SLC9A2: variants seen among roughly 807,000 people sequenced by gnomAD.
The protein encoded by SLC9A2 is sodium/hydrogen exchanger 2.
In SLC9A2, 42 loss-of-function variants were observed where a neutral mutation model predicts 71.7. The observed-to-expected ratio is 0.59, with a 90% CI of 0.46 to 0.76. The LOEUF is 0.76. Ranked by LOEUF, SLC9A2 falls within the 30% of genes least tolerant of loss-of-function variation. The pLI, the probability that SLC9A2 is intolerant of heterozygous loss-of-function variation, is 0.00. For synonymous variants in SLC9A2, 396 were observed against 392.5 expected (o/e 1.01, Z -0.10); for missense variants, 829 against 1,017.4 (o/e 0.81, Z 2.52).
intron 5 of SLC9A2, among the ~76,000 whole-genome samples, chr2:102,693,560 T>C (rs1466237546): frequency 6.6e-6 from 1 of 152,214 alleles, no homozygotes; most frequent in African/African-American, 2.4e-5. Context: ...CGGAGTTCAC[T>C]CATGAACGTG....
intron 3 of SLC9A2, among the ~76,000 whole-genome samples, chr2:102,682,739 G>A (rs1339407778): frequency 6.6e-6 from 1 of 152,202 alleles, no homozygotes; most frequent in Non-Finnish European, 1.5e-5. Context: ...TATTCAGGAT[G>A]AAGAATCGAA....
Position 102,710,615 on chromosome 2 carries a change from T to C in SLC9A2, c.*2126T>C, listed in dbSNP as rs1678088332. ...TCTTAATTATTATCAGTTTAAATTT[T>C]TTTTGTTTGTTGAATGACAAAGGCA... is the stretch of plus-strand genomic sequence containing the variant. On this transcript the variant is annotated 3_prime_UTR_variant, in exon 12 of 12. Coordinates refer to ENST00000233969, the MANE Select transcript of SLC9A2 (RefSeq NM_003048.6). 6.6e-6 allele frequency: 1 copy of C among 152,000 alleles called. No individual in the cohort carries two copies. The allele number at this position is 152,000 out of a possible 1,614,324, so 9.4% of individuals were successfully genotyped here.
chr2:102,662,309 C>A (rs1677064672), intron 2 of SLC9A2, among the ~76,000 whole-genome samples: 1 of 152,192 alleles, frequency 6.6e-6, no homozygotes, highest in Non-Finnish European at 1.5e-5. Flanking sequence ...GCTGCAGATG[C>A]CCGTTAATCT....
intron 3 of SLC9A2, among the ~76,000 whole-genome samples, chr2:102,670,558 C>A (rs1184981724): frequency 7.0e-6 from 1 of 142,734 alleles, no homozygotes; most frequent in Non-Finnish European, 1.5e-5. Context: ...TCCCCAGTTA[C>A]CAGGCCAGTC....
intron 1 of SLC9A2, among the ~76,000 whole-genome samples, chr2:102,641,466 A>T (rs1185425712): frequency 6.6e-6 from 1 of 151,480 alleles, no homozygotes; most frequent in Non-Finnish European, 1.5e-5. Context: ...TGAGTTTTGC[A>T]CGTGCCGTTC....
intron 11 of SLC9A2, among the ~76,000 whole-genome samples, chr2:102,707,565 T>C (rs1678006591): frequency 6.6e-6 from 1 of 152,150 alleles, no homozygotes; most frequent in Non-Finnish European, 1.5e-5. Flanking sequence ...CTCCCTTTGT[T>C]TGCAAAGGGT....
intron 1 of SLC9A2, among the ~76,000 whole-genome samples, chr2:102,651,934 TTTG>T (rs59150838): frequency 0.54 from 82,113 of 151,282 alleles, 22,845 homozygotes; most frequent in East Asian, 0.85. Context: ...GATAAGGGTT[TTTG>T]TTGTTGTTGT....
At position 102,695,799 on chromosome 2, in the gene SLC9A2, A is replaced by T. The variant is rs1376625469; in HGVS notation, c.1586+686A>T. Among the ~76,000 whole-genome samples, 8 of 77,072 alleles carry T rather than the reference A, an allele frequency of 1.0e-4. 1 individual carries two copies. The highest frequency in any genetic ancestry group is 3.2e-4 in the African/African-American group (8 of 24,940). 50.6% of individuals were successfully genotyped at this position (77,072 alleles called of 152,430 possible). ...TATATTATATATATATTATATATAT[A>T]TTATATATATATATAATATATATAT... On this transcript the variant is annotated intron_variant, in intron 7 of 11. Coordinates refer to ENST00000233969, the MANE Select transcript of SLC9A2 (RefSeq NM_003048.6).
At chr2:102,685,855 G>T (rs1677537095) in intron 5 of SLC9A2, among the ~76,000 whole-genome samples, 1 of 152,164 alleles carries the variant, frequency 6.6e-6, no homozygotes, top group South Asian at 2.1e-4. Context: ...AGGCTCTCTG[G>T]CCACTAGCAG....
Position 102,670,849 on chromosome 2 carries a change from C to CTTTTTTTT in SLC9A2, c.1004+5513_1004+5520dup, listed in dbSNP as rs10687841. Among the ~76,000 whole-genome samples, 12 of 75,888 alleles carry CTTTTTTTT rather than the reference C, an allele frequency of 1.6e-4. 1 individual carries two copies. Among genetic ancestry groups the CTTTTTTTT allele is most frequent in the Admixed American group, 2.1e-4 (1 of 4,876 alleles). The allele number at this position is 75,888 out of a possible 152,430, so 49.8% of individuals were successfully genotyped here. ...TTTGAGAAAAAAATAGGAAGGCATG[C>CTTTTTTTT]TTTTTTTTTTTTTTTTTTTTTGCCT... is the stretch of plus-strand genomic sequence containing the variant. On this transcript the variant is annotated intron_variant, in intron 3 of 11. Transcript: ENST00000233969.
chr2:102,693,630 G>C (rs559215666), intron 5 of SLC9A2, among the ~76,000 whole-genome samples: 1 of 152,266 alleles, frequency 6.6e-6, no homozygotes, highest in South Asian at 2.1e-4. Context: ...GGTCTCCACT[G>C]GGATATGCTT....
chr2:102,659,084 T>C (rs956235237), intron 2 of SLC9A2, among the ~76,000 whole-genome samples: 10 of 152,080 alleles, frequency 6.6e-5, no homozygotes, highest in African/African-American at 2.4e-4. Flanking sequence ...CCCTCTCCAT[T>C]TGCTCTTATC....
chr2:102,649,246 G>A (rs371520900), intron 1 of SLC9A2, among the ~76,000 whole-genome samples: 35 of 152,238 alleles, frequency 2.3e-4, no homozygotes, highest in East Asian at 1.3e-3. Flanking sequence ...TTTAATAAAC[G>A]GTGCTGGGAA....
intron 1 of SLC9A2, among the ~76,000 whole-genome samples, chr2:102,631,565 T>C (rs1318497910): frequency 6.6e-6 from 1 of 152,102 alleles, no homozygotes; most frequent in Non-Finnish European, 1.5e-5. Flanking sequence ...CTCAGCTAGA[T>C]ATTAATATCT....
Position 102,684,570 on chromosome 2 carries a change from C to T in SLC9A2, c.1425+234C>T, listed in dbSNP as rs567681097. ...TATTATTTAAGGAAACTAAACTAAG[C>T]GCTCTAATCTTATGACTGGAAACAG... On this transcript the variant is annotated intron_variant, in intron 5 of 11. Transcript: ENST00000233969. Among the ~76,000 whole-genome samples, 89 of 152,302 alleles carry T rather than the reference C, an allele frequency of 5.8e-4. 1 individual carries two copies. Among genetic ancestry groups the T allele is most frequent in the East Asian group, 3.3e-3 (17 of 5,190 alleles).
At chr2:102,684,518 T>C (rs1677512152) in intron 5 of SLC9A2, among the ~76,000 whole-genome samples, 182 bp downstream of exon 5, 3 of 152,206 alleles carry the variant, frequency 2.0e-5, no homozygotes, top group South Asian at 2.1e-4. Context: ...AGAGTCCAAT[T>C]TGGTCACTTG....
chr2:102,705,384 C>A (rs913435455), intron 10 of SLC9A2, among the ~76,000 whole-genome samples: 1 of 151,688 alleles, frequency 6.6e-6, no homozygotes, highest in Non-Finnish European at 1.5e-5. Context: ...AAAACACTAG[C>A]GACTGCGGTA....
intron 1 of SLC9A2, among the ~76,000 whole-genome samples, chr2:102,652,521 G>A (rs754542609): frequency 3.3e-5 from 5 of 152,100 alleles, no homozygotes; most frequent in Non-Finnish European, 7.3e-5. Flanking sequence ...CCTCCTCCAT[G>A]AAGTCTTCTT....
chr2:102,649,500 T>C (rs1371174151), intron 1 of SLC9A2, among the ~76,000 whole-genome samples: 1 of 152,150 alleles, frequency 6.6e-6, no homozygotes, highest in South Asian at 2.1e-4. Flanking sequence ...AAAGAGCTTC[T>C]GCACAGCAAA....
Sources: gnomAD v4.1 joint callset for allele counts (sites outside exome capture counted in the v4.1 genomes callset) on GRCh38, gnomAD v4.1.1 for gene constraint, MANE v1.5 for transcripts, NCBI Gene and HGNC (gene_info 2026-07-23, HGNC 2026-07-21) for gene names.